Variants in NFIA observed in about 807,000 individuals in gnomAD.
NFIA encodes nuclear factor 1 A-type.
A neutral mutation model predicts 62.8 loss-of-function variants in NFIA; 8 were observed. The observed-to-expected ratio is 0.13, with a 90% confidence interval of 0.07 to 0.23. The LOEUF is 0.23. NFIA is among the 10% of genes least tolerant of loss of function. The pLI, the probability that NFIA is intolerant of heterozygous loss-of-function variation, is 1.00. For missense variants in NFIA, 410 were observed against 642.1 expected, an observed-to-expected ratio of 0.64 and a Z score of 3.91; for synonymous variants, 235 against 238.1, an observed-to-expected ratio of 0.99 and a Z score of 0.12.
chr1:61,200,843 C>T (rs1652431589), intron 2 of NFIA, among the ~76,000 whole-genome samples: 1 of 152,154 alleles, frequency 6.6e-6, no homozygotes, highest in African/African-American at 2.4e-5. Context: ...GTGATAATAG[C>T]AGTAATAGAA....
At chr1:61,346,289 C>T (rs187577558) in intron 4 of NFIA, among the ~76,000 whole-genome samples, 4 of 152,272 alleles carry the variant, frequency 2.6e-5, no homozygotes. Flanking sequence ...GCAGCGACTG[C>T]ATCGTTTTTA....
chr1:61,350,998 G>C (rs1320508019), intron 4 of NFIA, among the ~76,000 whole-genome samples: 1 of 152,170 alleles, frequency 6.6e-6, no homozygotes, highest in Non-Finnish European at 1.5e-5. Context: ...CTTTACGATG[G>C]TGGGAAAGTG....
At chr1:61,265,874 A>G (rs999769353) in intron 2 of NFIA, among the ~76,000 whole-genome samples, 3 of 152,194 alleles carry the variant, frequency 2.0e-5, no homozygotes, top group African/African-American at 7.2e-5. Context: ...TTAGTGGGCT[A>G]TTTGCGGTCA....
chr1:61,218,336 A>G (rs147570349), intron 2 of NFIA, among the ~76,000 whole-genome samples: 9 of 152,320 alleles, frequency 5.9e-5, no homozygotes, highest in Non-Finnish European at 1.2e-4. Context: ...GAGGTCAAAG[A>G]ATCACGAATT....
chr1:61,170,539 G>A (rs1649885552), intron 2 of NFIA, among the ~76,000 whole-genome samples: 1 of 152,162 alleles, frequency 6.6e-6, no homozygotes, highest in African/African-American at 2.4e-5. Context: ...ACTCTAGCCT[G>A]TGTAGGATTT....
At chr1:61,206,581 T>G (rs1212756884) in intron 2 of NFIA, among the ~76,000 whole-genome samples, 1 of 152,220 alleles carries the variant, frequency 6.6e-6, no homozygotes, top group African/African-American at 2.4e-5. Flanking sequence ...GCATTGATAA[T>G]TCTTGTCAGT....
chr1:61,287,830 A>C (rs558082696), intron 3 of NFIA, among the ~76,000 whole-genome samples: 28 of 152,308 alleles, frequency 1.8e-4, no homozygotes, highest in African/African-American at 6.7e-4. Flanking sequence ...ATTCCTGTGG[A>C]GGTTACATAG....
At chr1:61,168,777 A>G (rs1376909701) in intron 2 of NFIA, among the ~76,000 whole-genome samples, 1 of 152,222 alleles carries the variant, frequency 6.6e-6, no homozygotes, top group Non-Finnish European at 1.5e-5. Context: ...GGTGTTGTCT[A>G]CAAACCCACA....
rs372717886 is a variant in NFIA at position 61,088,359 on chromosome 1, C to A, written c.238C>A (p.Arg80=). The A allele has an allele frequency of 1.9e-6, 3 of 1,613,358 alleles. No individual in the cohort carries two copies. The African/African-American group carries it at 4.0e-5, about 22-fold the overall frequency. Residue 80 remains arginine (R), a synonymous_variant, in exon 2 of 11, where the codon CGG becomes AGG. Transcript: ENST00000403491. This position sits in a 1 kb window ranked among gnomAD's most constrained non-coding sequence, Gnocchi z 4.5. ...KWASRLLAKL[R]KDIRPEYRED... ...GGCATCTCGACTTCTGGCAAAGTTG[C>A]GGAAAGATATCCGACCCGAATATCG...
At chr1:61,211,535 C>A (rs907383836) in intron 2 of NFIA, among the ~76,000 whole-genome samples, 1 of 151,960 alleles carries the variant, frequency 6.6e-6, no homozygotes, top group African/African-American at 2.4e-5. Flanking sequence ...TTATCATTGC[C>A]GTTTTATAGA....
At chr1:61,397,202 C>T (rs1476930066) in intron 7 of NFIA, among the ~76,000 whole-genome samples, 2 of 152,046 alleles carry the variant, frequency 1.3e-5, no homozygotes, top group Non-Finnish European at 2.9e-5. Context: ...TATGTTTGGT[C>T]AGCAAAGACT....
intron 3 of NFIA, among the ~76,000 whole-genome samples, chr1:61,330,443 C>CCCCACACA (rs554691317): frequency 1.1e-5 from 1 of 90,620 alleles, no homozygotes; most frequent in African/African-American, 3.2e-5. Context: ...TACACCCCCC[C>CCCCACACA]CACACACACA....
chr1:61,165,498 T>C, intron 2 of NFIA, among the ~76,000 whole-genome samples: 1 of 152,192 alleles, frequency 6.6e-6, no homozygotes, highest in Non-Finnish European at 1.5e-5. Flanking sequence ...TTTGAAGAAC[T>C]CCAAATCACA....
chr1:61,171,933 T>C (rs1225891769), intron 2 of NFIA, among the ~76,000 whole-genome samples: 1 of 152,190 alleles, frequency 6.6e-6, no homozygotes, highest in Non-Finnish European at 1.5e-5. Context: ...AAGAGCTTTG[T>C]CACTGAGTGC....
At chr1:61,306,920 G>A (rs1333855478) in intron 3 of NFIA, among the ~76,000 whole-genome samples, 2 of 152,198 alleles carry the variant, frequency 1.3e-5, no homozygotes. Flanking sequence ...GCCTGCTCCA[G>A]TATGCCTTTT....
At position 61,455,454 on chromosome 1, in the gene NFIA, A is replaced by G. The variant is rs907922815; in HGVS notation, c.*134A>G. On this transcript the variant is annotated 3_prime_UTR_variant, in exon 11 of 11. Transcript: ENST00000403491. ...AGGGGAGAAAAACCGATTCAAATCA[A>G]CTTGTACATGGAAACAGCAAGCATT... 2.1e-6 allele frequency: 3 copies of G among 1,420,922 alleles called. No homozygotes were observed. The highest frequency in any genetic ancestry group is 2.8e-5 in the African/African-American group (2 of 70,216). 88.0% of individuals were successfully genotyped at this position (1,420,922 alleles called of 1,614,324 possible).
intron 2 of NFIA, among the ~76,000 whole-genome samples, chr1:61,260,306 G>A (rs930661261): frequency 3.9e-5 from 6 of 152,176 alleles, no homozygotes; most frequent in African/African-American, 1.4e-4. Flanking sequence ...CGAGCAGTGA[G>A]CAGGCGCCAG....
At chr1:61,228,164 GT>G (rs1415547136) in intron 2 of NFIA, among the ~76,000 whole-genome samples, 2 of 152,088 alleles carry the variant, frequency 1.3e-5, no homozygotes, top group African/African-American at 4.8e-5. Flanking sequence ...CTATTATAAT[GT>G]TCTTTTTTAT....
chr1:61,391,358 C>G (rs1184814468), intron 7 of NFIA, among the ~76,000 whole-genome samples: 1 of 151,614 alleles, frequency 6.6e-6, no homozygotes, highest in African/African-American at 2.4e-5. Flanking sequence ...AAGTTATGCC[C>G]TTAGATAACT....
Sources: gnomAD v4.1 joint callset for allele counts (sites outside exome capture counted in the v4.1 genomes callset) on GRCh38, gnomAD v4.1.1 for gene constraint, Gnocchi (gnomAD v3.1) non-coding constraint, MANE v1.5 for transcripts, NCBI Gene and HGNC (gene_info 2026-07-23, HGNC 2026-07-21) for gene names.